The following DSN1 variants were observed in gnomAD, a reference collection of about 807,000 sequenced individuals.
The protein encoded by DSN1 is DSN1 component of MIS12 kinetochore complex, also known as kinetochore-associated protein DSN1 homolog.
In DSN1, 31 loss-of-function variants were observed where a neutral mutation model predicts 45.7. The observed-to-expected ratio is 0.68, with a 90% CI of 0.51 to 0.92. The LOEUF (loss-of-function observed/expected upper bound fraction) is 0.92, where lower values mean the gene tolerates loss of function less well. Ranked by LOEUF, DSN1 falls within the 40% of genes least tolerant of loss-of-function variation. The pLI is 0.00. For missense variants in DSN1, 394 were observed against 414.2 expected, an observed-to-expected ratio of 0.95 and a Z score of 0.42; for synonymous variants, 134 against 142.3, an observed-to-expected ratio of 0.94 and a Z score of 0.41.
At chr20:36,758,716 T>G in intron 6 of DSN1, 99 bp from the exon 7 acceptor site, 1 of 1,206,882 alleles carries the variant, frequency 8.3e-7, no homozygotes, top group South Asian at 1.5e-5. Context: ...AGACGGAGTT[T>G]CCCTCTTGTT....
At chr20:36,766,440 G>A (rs1987342699) in intron 5 of DSN1, among the ~76,000 whole-genome samples, 1 of 151,984 alleles carries the variant, frequency 6.6e-6, no homozygotes, top group African/African-American at 2.4e-5. Context: ...GGCCAAGGTG[G>A]GCAGATCACT....
chr20:36,762,411 TA>T, intron 6 of DSN1, 49 bp downstream of exon 6: 1 of 1,564,974 alleles, frequency 6.4e-7, no homozygotes, highest in Non-Finnish European at 8.7e-7. Context: ...ACGCCCGGCC[TA>T]AAGTCCTAAT....
rs1026185497 is a variant in DSN1, at chr20:36,751,906, G to A, written c.*882C>T. ...TTTCTTGTCATGAATCCAGGATTTA[G>A]GTCAACTCAATATGAAAAACTGAAG... is the stretch of plus-strand genomic sequence containing the variant. On this transcript the variant is annotated 3_prime_UTR_variant, in exon 11 of 11. Coordinates refer to ENST00000373750, the MANE Select transcript of DSN1 (RefSeq NM_001145315.2). 1 of 152,056 alleles carries A rather than the reference G, an allele frequency of 6.6e-6. No individual in the cohort carries two copies. Among genetic ancestry groups the A allele is most frequent in the East Asian group, 1.9e-4 (1 of 5,198 alleles). 9.4% of individuals were successfully genotyped at this position (152,056 alleles called of 1,614,324 possible). A position where few individuals can be genotyped will look rare whatever the true frequency, so the allele number is the denominator to read the frequency against.
Position 36,752,834 on chromosome 20 carries a change from T to G in DSN1, c.1025A>C (p.Gln342Pro). 6.2e-7 allele frequency: 1 copy of G among 1,614,246 alleles called. No homozygotes were observed. The highest frequency in any genetic ancestry group is 8.5e-7 in the Non-Finnish European group (1 of 1,180,042). ...PARKLLKLQL[Q>P]NPPAIHGSGS... ...AGATCCATGTATGGCAGGTGGGTTC[T>G]GTAGCTGAAGCTTCAACAGTTTTCG... is the stretch of plus-strand genomic sequence containing the variant. The change falls in exon 11 of 11, where the codon CAG becomes CCG. Residue 342 changes from glutamine (Q) to proline (P), a missense_variant. Physicochemically the swap from Gln to Pro is moderately conservative, Grantham distance 76. Coordinates refer to ENST00000373750, the MANE Select transcript of DSN1 (RefSeq NM_001145315.2).
chr20:36,754,163 C>T (rs758896078), intron 10 of DSN1, among the ~76,000 whole-genome samples: 1 of 152,014 alleles, frequency 6.6e-6, no homozygotes, highest in Admixed American at 6.6e-5. Context: ...CCCATCTCTA[C>T]AAAAAAATTA....
At chr20:36,762,774 C>G (rs1323229154) in intron 5 of DSN1, among the ~76,000 whole-genome samples, 1 of 151,990 alleles carries the variant, frequency 6.6e-6, no homozygotes, top group Non-Finnish European at 1.5e-5. Context: ...TTTATTTAGA[C>G]AGACTCTCGC....
In DSN1 at chr20:36,762,516, C is replaced by G. The variant is rs753104351; in HGVS notation, c.535G>C (p.Ala179Pro). The change falls in exon 6 of 11, where the codon GCA (alanine) becomes CCA (proline). Residue 179 changes from alanine (A) to proline (P), a missense_variant. Ala to Pro is a conservative substitution (Grantham distance 27). Coordinates refer to ENST00000373750, the MANE Select transcript of DSN1 (RefSeq NM_001145315.2). ...GTTCCATCAGTTTCCAGTCCGTCTG[C>G]AAAATGTTTCAATTCTTCAGAAAGA... ...SSLSEELKHF[A>P]DGLETDGTLQ... 6.2e-7 allele frequency: 1 copy of G among 1,613,656 alleles called. No individual in the cohort carries two copies. Among genetic ancestry groups the G allele is most frequent in the South Asian group, 1.1e-5 (1 of 91,036 alleles).
chr20:36,762,359 C>G (rs778075879), intron 6 of DSN1, 102 bp downstream of exon 6: 1 of 955,570 alleles, frequency 1.0e-6, no homozygotes, highest in Non-Finnish European at 1.5e-6. Flanking sequence ...ATCCGCCCAC[C>G]TCGGCCTCCC....
At chr20:36,761,518 G>A (rs1568692441) in intron 6 of DSN1, among the ~76,000 whole-genome samples, 1 of 152,078 alleles carries the variant, frequency 6.6e-6, no homozygotes, top group Non-Finnish European at 1.5e-5. Context: ...AGGATCGCTT[G>A]AGCCCAGGAG....
chr20:36,754,960 G>A, intron 9 of DSN1, 110 bp from the exon 10 acceptor site: 1 of 840,388 alleles, frequency 1.2e-6, no homozygotes, highest in East Asian at 2.6e-5. Context: ...TGTTCTTTCA[G>A]CCTGGAATGC....
rs767922788 is a variant in DSN1 at position 36,758,578 on chromosome 20, C to A, written c.630G>T (p.Glu210Asp). ...SDFSLEASVA[E>D]MKEYITKFSL... is the part of the protein sequence containing the mutation. Reference sequence around the variant, plus strand: ...CTTACTTTGTTATGTATTCCTTCATCTCAGCCACAGATGCTTCCAAAGAAA... The same window carrying A: ...CTTACTTTGTTATGTATTCCTTCATATCAGCCACAGATGCTTCCAAAGAAA... Residue 210 changes from glutamate (E) to aspartate (D), a missense_variant, in exon 7 of 11, where the codon GAG becomes GAT. Transcript: ENST00000373750. 5.0e-6 allele frequency: 8 copies of A among 1,611,598 alleles called. No homozygotes were observed. The highest frequency in any genetic ancestry group is 6.8e-6 in the Non-Finnish European group (8 of 1,179,548).
At chr20:36,766,208 A>G (rs1254733097) in intron 5 of DSN1, among the ~76,000 whole-genome samples, 1 of 151,654 alleles carries the variant, frequency 6.6e-6, no homozygotes, top group African/African-American at 2.4e-5. Context: ...AAAAAAAAAA[A>G]AAAAGAAAAA....
Position 36,767,992 on chromosome 20 carries a change from A to G in DSN1, c.406T>C (p.Cys136Arg). Reference protein sequence around the residue: ...VDLAESKRLGCLLLSSFQFSI... With the variant: ...VDLAESKRLGRLLLSSFQFSI... ...ACCTGGAAACTGGAAAGCAGGAGAC[A>G]GCCAAGCCGTTTGCTTTCTGCTAAA... is the stretch of plus-strand genomic sequence containing the variant. The change falls in exon 4 of 11, where the codon TGT becomes CGT. Residue 136 changes from cysteine to arginine, a missense_variant. Cys to Arg is a radical substitution (Grantham distance 180). Coordinates refer to ENST00000373750, the MANE Select transcript of DSN1 (RefSeq NM_001145315.2). 6.2e-7 allele frequency: 1 copy of G among 1,614,164 alleles called. No homozygotes were observed. Among genetic ancestry groups the G allele is most frequent in the Non-Finnish European group, 8.5e-7 (1 of 1,180,028 alleles).
intron 10 of DSN1, 97 bp downstream of exon 10, chr20:36,754,666 T>G: frequency 1.1e-6 from 1 of 946,690 alleles, no homozygotes; most frequent in African/African-American, 1.6e-5. Flanking sequence ...ATATAGGTCT[T>G]ACCCTCTTGG....
At chr20:36,763,402 C>CAAAA (rs1378312822) in intron 5 of DSN1, among the ~76,000 whole-genome samples, 1 of 3,554 alleles carries the variant, frequency 2.8e-4, no homozygotes, top group Non-Finnish European at 7.4e-4. Context: ...GACTCTGTCT[C>CAAAA]AAAAAAAGAA....
chr20:36,765,065 G>A (rs1005401183), intron 5 of DSN1, among the ~76,000 whole-genome samples: 1 of 151,728 alleles, frequency 6.6e-6, no homozygotes, highest in Non-Finnish European at 1.5e-5. Flanking sequence ...AATCTAAAAG[G>A]CTTTTTTATT....
At chr20:36,767,795 G>A (rs574770540) in intron 4 of DSN1, among the ~76,000 whole-genome samples, 174 bp downstream of exon 4, 2 of 152,114 alleles carry the variant, frequency 1.3e-5, no homozygotes, top group African/African-American at 2.4e-5. Context: ...TCAGCTACTC[G>A]GGAGGCTGAG....
intron 8 of DSN1, among the ~76,000 whole-genome samples, chr20:36,756,645 G>A (rs1210630855): frequency 2.0e-5 from 3 of 151,838 alleles, no homozygotes; most frequent in Non-Finnish European, 2.9e-5. Flanking sequence ...AACCCAATGA[G>A]GAAGGTACTA....
At position 36,752,663 on chromosome 20, in the gene DSN1, T is replaced by A. The variant is rs77399897; in HGVS notation, c.*125A>T. 8.6e-3 allele frequency: 6,224 copies of A among 724,848 alleles called. 324 individuals are homozygous for A. In the African/African-American group the frequency reaches 0.099, roughly 12 times the overall value. The allele number at this position is 724,848 out of a possible 1,614,324, so 44.9% of individuals were successfully genotyped here. A position where few individuals can be genotyped will look rare whatever the true frequency, so the allele number is the denominator to read the frequency against. On this transcript the variant is annotated 3_prime_UTR_variant, in exon 11 of 11. Transcript: ENST00000373750. The stretch of plus-strand genomic sequence containing the variant: ...TCACTTTTTGAAAAAAGTCAAAGTG[T>A]TCTACAGTCAGTCCTGCCAGTTATC...
Sources: gnomAD v4.1 joint callset for allele counts (sites outside exome capture counted in the v4.1 genomes callset) on GRCh38, gnomAD v4.1.1 for gene constraint, MANE v1.5 for transcripts, NCBI Gene and HGNC (gene_info 2026-07-23, HGNC 2026-07-21) for gene names.